The following INO80D variants were observed in gnomAD, a reference collection of about 807,000 sequenced individuals.
INO80D encodes the protein INO80 complex subunit D.
In INO80D, 21 loss-of-function variants were observed where a neutral mutation model predicts 87.6. The ratio of observed to expected loss-of-function variants is 0.24; its 90% CI spans 0.17 to 0.35. The LOEUF (loss-of-function observed/expected upper bound fraction) is 0.35, where lower values mean the gene tolerates loss of function less well. INO80D is among the 10% of genes least tolerant of loss of function. The pLI is 1.00. For synonymous variants in INO80D, 440 were observed against 491.0 expected, an observed-to-expected ratio of 0.90 and a Z score of 1.37; for missense variants, 982 against 1,280.7, an observed-to-expected ratio of 0.77 and a Z score of 3.56.
At position 206,003,717 on chromosome 2, in the gene INO80D, G is replaced by C. The variant is rs377755690; in HGVS notation, c.*651C>G. 6.5e-6 allele frequency: 1 copy of C among 154,248 alleles called. No homozygotes were observed. The highest frequency in any genetic ancestry group is 1.4e-5 in the Non-Finnish European group (1 of 69,418). The allele number at this position is 154,248 out of a possible 1,614,324, so 9.6% of individuals were successfully genotyped here. ...TAAGAGTTTTATACTCATTAAGTAG[G>C]GGGAAGGGGAGAACAAAAAAAAATC... On this transcript the variant is annotated 3_prime_UTR_variant, in exon 11 of 11. Coordinates refer to ENST00000403263, the MANE Select transcript of INO80D (RefSeq NM_017759.5).
In INO80D at chr2:205,997,915, C is replaced by T. The variant is rs1687837176; in HGVS notation, c.*6453G>A. ...TATAAGCACACATTCATATCTCTCA[C>T]ACACGTGCCCCCAATGTATATTTTT... On this transcript the variant is annotated 3_prime_UTR_variant, in exon 11 of 11. Transcript: ENST00000403263. The T allele has an allele frequency of 6.6e-6, 1 of 152,190 alleles. No homozygotes were observed. Among genetic ancestry groups the T allele is most frequent in the Non-Finnish European group, 1.5e-5 (1 of 68,016 alleles). 9.4% of individuals were successfully genotyped at this position (152,190 alleles called of 1,614,324 possible).
intron 6 of INO80D, among the ~76,000 whole-genome samples, chr2:206,022,516 T>G (rs749315344): frequency 2.6e-5 from 4 of 152,186 alleles, no homozygotes; most frequent in Non-Finnish European, 5.9e-5. Context: ...AGGATTCCCT[T>G]TGACATGCCC....
intron 1 of INO80D, among the ~76,000 whole-genome samples, chr2:206,067,811 T>A (rs1430892130): frequency 6.6e-6 from 1 of 152,066 alleles, no homozygotes; most frequent in Non-Finnish European, 1.5e-5. Flanking sequence ...AATCTACATG[T>A]CTGTAGGTAT....
At chr2:206,044,338 G>C (rs1339569802) in intron 5 of INO80D, among the ~76,000 whole-genome samples, 1 of 152,054 alleles carries the variant, frequency 6.6e-6, no homozygotes, top group Non-Finnish European at 1.5e-5. Flanking sequence ...AGTGCTCCCT[G>C]ACTGGAGCAT....
At chr2:206,023,649 C>T (rs2105825009) in intron 6 of INO80D, among the ~76,000 whole-genome samples, 1 of 147,668 alleles carries the variant, frequency 6.8e-6, no homozygotes, top group Admixed American at 6.9e-5. Flanking sequence ...TGTCACCACA[C>T]TCCAGCCTGG....
At chr2:206,047,400 G>A (rs1689225444) in intron 4 of INO80D, among the ~76,000 whole-genome samples, 1 of 151,756 alleles carries the variant, frequency 6.6e-6, no homozygotes, top group African/African-American at 2.4e-5. Context: ...TGTATTTTTA[G>A]TAGAGATGGG....
intron 1 of INO80D, among the ~76,000 whole-genome samples, chr2:206,079,442 A>C (rs1478297419): frequency 6.6e-6 from 1 of 152,202 alleles, no homozygotes; most frequent in African/African-American, 2.4e-5. Context: ...TCCAAGACTA[A>C]GAACCACTGA....
At chr2:206,015,591 T>C (rs1363637759) in intron 8 of INO80D, among the ~76,000 whole-genome samples, 2 of 152,150 alleles carry the variant, frequency 1.3e-5, no homozygotes, top group African/African-American at 4.8e-5. Flanking sequence ...AGAAGATGTA[T>C]AGAAACAGTC....
Position 205,999,755 on chromosome 2 carries a change from T to C in INO80D, c.*4613A>G, listed in dbSNP as rs10164819. On this transcript the variant is annotated 3_prime_UTR_variant, in exon 11 of 11. Coordinates refer to ENST00000403263, the MANE Select transcript of INO80D (RefSeq NM_017759.5). ...ACAGATATCCAAACATGTCCTTCAC[T>C]GGTATTTTATTACAAATTATTGGAA... is the stretch of plus-strand genomic sequence containing the variant. 4 of 152,216 alleles carry C rather than the reference T, an allele frequency of 2.6e-5. No individual in the cohort carries two copies. Among genetic ancestry groups the C allele is most frequent in the African/African-American group, 9.6e-5 (4 of 41,458 alleles). 9.4% of individuals were successfully genotyped at this position (152,216 alleles called of 1,614,324 possible). A position where few individuals can be genotyped will look rare whatever the true frequency, so the allele number is the denominator to read the frequency against.
chr2:206,051,600 C>G (rs553174728), intron 4 of INO80D, among the ~76,000 whole-genome samples: 110 of 152,080 alleles, frequency 7.2e-4, no homozygotes, highest in African/African-American at 2.4e-3. Flanking sequence ...CCACAGATCC[C>G]CAGAAGTCCT....
chr2:206,017,795 G>C lies in INO80D; in HGVS notation c.1427C>G (p.Ser476Cys), dbSNP rs1425677626. Residue 476 changes from serine (S) to cysteine (C), a missense_variant, in exon 8 of 11, where the codon TCT becomes TGT. Physicochemically the swap from Ser to Cys is moderately radical, Grantham distance 112. Coordinates refer to ENST00000403263, the MANE Select transcript of INO80D (RefSeq NM_017759.5). The stretch of plus-strand genomic sequence containing the variant: ...TGTGCAACTTGAGAAGAGCTGCTGA[G>C]AGTGGTTCAAGAGGATATCTGGGTT... ...HCFQHILLNHSQQLFSSCTAK... is the reference protein window; with the variant it reads ...HCFQHILLNHCQQLFSSCTAK... The C allele has an allele frequency of 1.2e-6, 2 of 1,612,870 alleles. No homozygotes were observed. The highest frequency in any genetic ancestry group is 1.7e-6 in the Non-Finnish European group (2 of 1,179,620).
chr2:206,038,383 C>A (rs895451906), intron 5 of INO80D, among the ~76,000 whole-genome samples: 5 of 152,168 alleles, frequency 3.3e-5, no homozygotes, highest in Middle Eastern at 3.2e-3. Flanking sequence ...AAACACTTAA[C>A]AGCATATGGT....
In INO80D at chr2:206,056,332, G is replaced by A. The variant is rs746848767; in HGVS notation, c.830C>T (p.Pro277Leu). ...LPSSRAPTVD[P>L]PRTDRILMKA... ...CATGAGGATCCGGTCAGTCCTGGGT[G>A]GGTCCACAGTGGGAGCCCTACTGGA... Residue 277 changes from proline (P) to leucine (L), a missense_variant, in exon 4 of 11, where the codon CCA (proline) becomes CTA (leucine). Transcript: ENST00000403263. 5.0e-6 allele frequency: 8 copies of A among 1,613,852 alleles called. No homozygotes were observed. Among genetic ancestry groups the A allele is most frequent in the Non-Finnish European group, 6.8e-6 (8 of 1,179,872 alleles).
At chr2:206,084,308 G>A (rs971529439) in intron 1 of INO80D, among the ~76,000 whole-genome samples, 1 of 150,120 alleles carries the variant, frequency 6.7e-6, no homozygotes, top group Non-Finnish European at 1.5e-5. Flanking sequence ...AGGTTCCGAG[G>A]GCTCTTCCAC....
In INO80D at chr2:206,004,877, T is replaced by TA; in HGVS notation, c.2574dup (p.Thr859TyrfsTer19). 1 of 1,613,946 alleles carries TA rather than the reference T, an allele frequency of 6.2e-7. No homozygotes were observed. Among genetic ancestry groups the TA allele is most frequent in the Non-Finnish European group, 8.5e-7 (1 of 1,179,882 alleles). On this transcript the variant is annotated frameshift_variant, in exon 11 of 11. Transcript: ENST00000403263. LOFTEE classifies it high-confidence loss of function. This position sits in a 1 kb window ranked among gnomAD's most constrained non-coding sequence, Gnocchi z 4.9. ...ATGATGGGCATCTCTGCTGAAAAGG[T>TA]AGCTGCCATATTATCACCAGAGTAC...
chr2:206,083,998 G>A (rs1373431263), intron 1 of INO80D, among the ~76,000 whole-genome samples: 1 of 151,756 alleles, frequency 6.6e-6, no homozygotes, highest in Non-Finnish European at 1.5e-5. Flanking sequence ...AGAACAACAA[G>A]GAGGTAAGCA....
rs747490850 is a variant in INO80D, at chr2:206,056,735, G to A, written c.427C>T (p.Leu143=). 6.2e-7 allele frequency: 1 copy of A among 1,613,416 alleles called. No individual in the cohort carries two copies. Among genetic ancestry groups the A allele is most frequent in the South Asian group, 1.1e-5 (1 of 90,908 alleles). Residue 143 remains leucine (L), a synonymous_variant, in exon 4 of 11, where the codon CTG becomes TTG. Transcript: ENST00000403263. ...PPGARVPLHY[L]ETELEDPFAF... ...AATGGGTCTTCCAATTCGGTTTCCA[G>A]GTAGTGGAGAGGGACCCTTGCCCCA...
At position 206,029,594 on chromosome 2, in the gene INO80D, C is replaced by A. The variant is rs746229717; in HGVS notation, c.1074-1259G>T. Reference sequence around the variant, plus strand: ...TGGGTTTCTCTTAAGTGATATTATTCTTCTTTCCTTCAGCATAGTCTATAA... The same window carrying A: ...TGGGTTTCTCTTAAGTGATATTATTATTCTTTCCTTCAGCATAGTCTATAA... On this transcript the variant is annotated intron_variant, in intron 5 of 10. Coordinates refer to ENST00000403263, the MANE Select transcript of INO80D (RefSeq NM_017759.5). Among the ~76,000 whole-genome samples, 3 of 132,644 alleles carry A rather than the reference C, an allele frequency of 2.3e-5. No individual in the cohort carries two copies. The Admixed American group carries it at 2.9e-4, about 13-fold the overall frequency. The allele number at this position is 132,644 out of a possible 152,430, so 87.0% of individuals were successfully genotyped here. A position where few individuals can be genotyped will look rare whatever the true frequency, so the allele number is the denominator to read the frequency against.
At position 206,062,734 on chromosome 2, in the gene INO80D, A is replaced by G; in HGVS notation, c.218+65T>C. ...GACAGAAGAAAAGAGAAGAAAAAACAAGAAAAGAAAAAATTCCAAGCCTGT... is the reference window on the plus strand; with the variant it reads ...GACAGAAGAAAAGAGAAGAAAAAACGAGAAAAGAAAAAATTCCAAGCCTGT... On this transcript the variant is annotated intron_variant, in intron 3 of 10. Transcript: ENST00000403263. This position sits in a 1 kb window ranked among gnomAD's most constrained non-coding sequence, Gnocchi z 4.6. The G allele has an allele frequency of 7.3e-7, 1 of 1,369,176 alleles. No individual in the cohort carries two copies. Among genetic ancestry groups the G allele is most frequent in the Non-Finnish European group, 1.0e-6 (1 of 1,000,626 alleles). The allele number at this position is 1,369,176 out of a possible 1,614,324, so 84.8% of individuals were successfully genotyped here.
Sources: gnomAD v4.1 joint callset for allele counts (sites outside exome capture counted in the v4.1 genomes callset) on GRCh38, gnomAD v4.1.1 for gene constraint, Gnocchi (gnomAD v3.1) non-coding constraint, MANE v1.5 for transcripts, NCBI Gene and HGNC (gene_info 2026-07-23, HGNC 2026-07-21) for gene names.